Variants in CEP85L observed in about 807,000 individuals in gnomAD.
The protein encoded by CEP85L is centrosomal protein 85L.
In CEP85L, 60 loss-of-function variants were observed where a neutral mutation model predicts 100.3. The observed-to-expected ratio is 0.60, with a 90% CI of 0.49 to 0.74. The LOEUF (loss-of-function observed/expected upper bound fraction) is 0.74, where lower values mean the gene tolerates loss of function less well. Among genes scored for constraint, CEP85L ranks in the 30% least tolerant of loss-of-function variants. CEP85L has a pLI of 0.00. For missense variants in CEP85L, 973 were observed against 936.2 expected (o/e 1.04, Z -0.51); for synonymous variants, 319 against 322.7 (o/e 0.99, Z 0.12).
intron 2 of CEP85L, among the ~76,000 whole-genome samples, chr6:118,612,685 G>A (rs1328818476): frequency 1.4e-4 from 6 of 42,182 alleles, no homozygotes; most frequent in Non-Finnish European, 2.7e-4. Flanking sequence ...GCGGGGGGGG[G>A]GGGGGGGGAC....
Position 118,556,487 on chromosome 6 carries a change from T to C in CEP85L, c.1020+9042A>G, listed in dbSNP as rs1040202345. On this transcript the variant is annotated intron_variant, in intron 3 of 12. Coordinates refer to ENST00000368491, the MANE Select transcript of CEP85L (RefSeq NM_001042475.3). Reference sequence around the variant, plus strand: ...CAGAATCTAAACACCATAAACCATATGGTTTCTTTGCCAAAGTAAATGCCG... The same window carrying C: ...CAGAATCTAAACACCATAAACCATACGGTTTCTTTGCCAAAGTAAATGCCG... Among the ~76,000 whole-genome samples the C allele has an allele frequency of 1.3e-5, 2 of 152,126 alleles. 1 individual carries two copies. Among genetic ancestry groups the C allele is most frequent in the Non-Finnish European group, 2.9e-5 (2 of 68,016 alleles).
intron 4 of CEP85L, among the ~76,000 whole-genome samples, chr6:118,523,142 T>C (rs1238897060): frequency 6.6e-6 from 1 of 152,222 alleles, no homozygotes; most frequent in Non-Finnish European, 1.5e-5. Context: ...TTCCCAATTA[T>C]CATGATATAC....
chr6:118,473,824 A>G (rs1017243938), intron 10 of CEP85L, among the ~76,000 whole-genome samples: 1 of 152,176 alleles, frequency 6.6e-6, no homozygotes, highest in African/African-American at 2.4e-5. Context: ...GTGAGGAGTC[A>G]AGGATAAATC....
intron 5 of CEP85L, among the ~76,000 whole-genome samples, chr6:118,503,433 A>G (rs1217255854): frequency 2.6e-5 from 4 of 152,172 alleles, no homozygotes; most frequent in Admixed American, 2.6e-4. Flanking sequence ...AGATTCAATG[A>G]ACTGATTCTA....
At chr6:118,480,335 T>C (rs1773684592) in intron 9 of CEP85L, 61 bp downstream of exon 9, 3 of 809,806 alleles carry the variant, frequency 3.7e-6, no homozygotes, top group Admixed American at 4.6e-5. Context: ...AAATTATGTA[T>C]CTATACACAC....
chr6:118,696,069 G>A (rs992926586), intron 1 of CEP85L, among the ~76,000 whole-genome samples: 5 of 152,090 alleles, frequency 3.3e-5, no homozygotes, highest in African/African-American at 9.7e-5. Flanking sequence ...TCACGAGTTC[G>A]AGACCAGCCT....
At chr6:118,564,211 TA>T (rs1779376660) in intron 3 of CEP85L, among the ~76,000 whole-genome samples, 1 of 152,186 alleles carries the variant, frequency 6.6e-6, no homozygotes, top group Admixed American at 6.5e-5. Flanking sequence ...CATGAATCAG[TA>T]TTTACTCCTT....
intron 4 of CEP85L, among the ~76,000 whole-genome samples, chr6:118,517,887 CTT>C (rs749057153): frequency 1.1e-4 from 16 of 152,256 alleles, no homozygotes; most frequent in African/African-American, 3.1e-4. Context: ...ATAAATAGCT[CTT>C]ATTACTTTGA....
intron 4 of CEP85L, among the ~76,000 whole-genome samples, chr6:118,515,358 A>G (rs1471889876): frequency 6.6e-6 from 1 of 152,176 alleles, no homozygotes; most frequent in South Asian, 2.1e-4. Flanking sequence ...AGAGAATATA[A>G]AAGACAAAAA....
intron 3 of CEP85L, chr6:118,559,827 A>C (rs1051455041): frequency 6.0e-6 from 1 of 167,318 alleles, no homozygotes; most frequent in Non-Finnish European, 1.5e-5. Context: ...ACAGATGAGA[A>C]CTGGTGGTTA....
At chr6:118,613,224 G>C (rs189591987) in intron 2 of CEP85L, among the ~76,000 whole-genome samples, 29 of 151,296 alleles carry the variant, frequency 1.9e-4, no homozygotes, top group African/African-American at 6.8e-4. Context: ...AAAAAAGAAA[G>C]AAAAACAATA....
chr6:118,526,566 C>A (rs551746009), intron 3 of CEP85L, among the ~76,000 whole-genome samples: 2 of 152,332 alleles, frequency 1.3e-5, no homozygotes, highest in African/African-American at 4.8e-5. Context: ...CATTATTCCA[C>A]TGCTTCTACT....
At chr6:118,538,068 G>T in intron 3 of CEP85L, 1 of 413,444 alleles carries the variant, frequency 2.4e-6, no homozygotes, top group Non-Finnish European at 3.3e-6. Context: ...ATTACTAAAA[G>T]AACTGTGCAC....
rs1230141633 is a variant in CEP85L, at chr6:118,548,182, T to C, written c.1020+17347A>G. The C allele has an allele frequency of 1.3e-5, 2 of 152,140 alleles. No individual in the cohort carries two copies. The highest frequency in any genetic ancestry group is 2.9e-5 in the Non-Finnish European group (2 of 67,986). The allele number at this position is 152,140 out of a possible 1,614,324, so 9.4% of individuals were successfully genotyped here. A position where few individuals can be genotyped will look rare whatever the true frequency, so the allele number is the denominator to read the frequency against. On this transcript the variant is annotated intron_variant, in intron 3 of 12. Coordinates refer to ENST00000368491, the MANE Select transcript of CEP85L (RefSeq NM_001042475.3). Reference sequence around the variant, plus strand: ...ACCTAAAGTAAGAAGTTCTAAAGTTTGGTTGTGATAAGACTGAGACTGTGG... The same window carrying C: ...ACCTAAAGTAAGAAGTTCTAAAGTTCGGTTGTGATAAGACTGAGACTGTGG...
intron 4 of CEP85L, among the ~76,000 whole-genome samples, chr6:118,522,347 C>T (rs571384525): frequency 3.3e-5 from 5 of 151,610 alleles, no homozygotes; most frequent in African/African-American, 9.7e-5. Flanking sequence ...GCAACAAGAG[C>T]GAATATTAAT....
chr6:118,669,369 C>G lies in CEP85L; in HGVS notation c.-27-16561G>C, dbSNP rs541886723. 5.9e-5 allele frequency among the ~76,000 whole-genome samples: 9 copies of G among 152,272 alleles called. No individual in the cohort carries two copies. The South Asian group carries it at 8.3e-4, about 14-fold the overall frequency. On this transcript the variant is annotated intron_variant, in intron 1 of 13. Transcript: ENST00000368488. Reference sequence around the variant, plus strand: ...TTAGGGAAACTTAAAAAACAAATGTCAACTTGAAAAGGCCACATTTTATAT... The same window carrying G: ...TTAGGGAAACTTAAAAAACAAATGTGAACTTGAAAAGGCCACATTTTATAT...
intron 3 of CEP85L, chr6:118,558,886 C>T: frequency 6.4e-7 from 1 of 1,572,182 alleles, no homozygotes; most frequent in East Asian, 2.2e-5. Context: ...TTCTCTCGAC[C>T]ACTTAAAACT....
intron 1 of CEP85L, among the ~76,000 whole-genome samples, chr6:118,672,257 C>A (rs1443556678): frequency 1.3e-5 from 2 of 152,096 alleles, no homozygotes; most frequent in Non-Finnish European, 2.9e-5. Context: ...AGGCAAGTCT[C>A]GAACTCCTGG....
At chr6:118,588,384 T>C (rs1337749037) in intron 2 of CEP85L, among the ~76,000 whole-genome samples, 1 of 152,208 alleles carries the variant, frequency 6.6e-6, no homozygotes, top group South Asian at 2.1e-4. Context: ...AACCACAATC[T>C]ATAGACTCTT....
Sources: gnomAD v4.1 joint callset for allele counts (sites outside exome capture counted in the v4.1 genomes callset) on GRCh38, gnomAD v4.1.1 for gene constraint, MANE v1.5 for transcripts, NCBI Gene and HGNC (gene_info 2026-07-23, HGNC 2026-07-21) for gene names.